Variants in GBP7 observed in about 807,000 individuals in gnomAD.
GBP7 encodes the protein guanylate binding protein 7.
In GBP7, 43 loss-of-function variants were observed where a neutral mutation model predicts 61.3. The ratio of observed to expected loss-of-function variants is 0.70; its 90% CI spans 0.55 to 0.91. The LOEUF (loss-of-function observed/expected upper bound fraction) is 0.91. Among genes scored for constraint, GBP7 ranks in the 40% least tolerant of loss-of-function variants. GBP7 has a pLI of 0.00. For synonymous variants in GBP7, 267 were observed against 271.0 expected (o/e 0.99, Z 0.14); for missense variants, 717 against 740.5 (o/e 0.97, Z 0.37).
At chr1:89,157,639 C>A (rs1682346886) in intron 3 of GBP7, among the ~76,000 whole-genome samples, 1 of 151,978 alleles carries the variant, frequency 6.6e-6, no homozygotes, top group Non-Finnish European at 1.5e-5. Flanking sequence ...TACACACCCT[C>A]CAAGACTAAA....
rs1261685721 is a variant in GBP7, at chr1:89,147,749, CAA to C, written c.1181_1182del (p.Phe394CysfsTer5). 1.2e-6 allele frequency: 2 copies of C among 1,614,154 alleles called. No individual in the cohort carries two copies. Among genetic ancestry groups the C allele is most frequent in the Non-Finnish European group, 1.7e-6 (2 of 1,180,000 alleles). On this transcript the variant is annotated frameshift_variant, in exon 8 of 11. Coordinates refer to ENST00000294671, the MANE Select transcript of GBP7 (RefSeq NM_207398.3). LOFTEE classifies it high-confidence loss of function. ...GCAGATGCCTCTTCATTCTGCAGCA[CAA>C]AGTCTTCCTTCTTTTTCTCCATGGT... ...VDTMEKKKED[F>X]VLQNEEASAK...
Position 89,152,263 on chromosome 1 carries a change from G to A in GBP7, c.625+5C>T, listed in dbSNP as rs1332242744. On this transcript the variant is annotated splice_donor_5th_base_variant and intron_variant, in intron 5 of 10. Coordinates refer to ENST00000294671, the MANE Select transcript of GBP7 (RefSeq NM_207398.3). ...CCTTCTCCCATCTAGGCCATGCTCT[G>A]ATACCTGAAATCAGCTTCAAGGCAT... The A allele has an allele frequency of 5.0e-6, 8 of 1,613,120 alleles. No homozygotes were observed. Among genetic ancestry groups the A allele is most frequent in the Non-Finnish European group, 6.8e-6 (8 of 1,179,298 alleles).
At chr1:89,161,208 C>G (rs543083305) in intron 3 of GBP7, among the ~76,000 whole-genome samples, 1 of 151,966 alleles carries the variant, frequency 6.6e-6, no homozygotes. Context: ...GATGCCATGT[C>G]TTTGCTATTG....
chr1:89,146,899 A>C (rs1431867403), intron 8 of GBP7, among the ~76,000 whole-genome samples: 1 of 152,220 alleles, frequency 6.6e-6, no homozygotes, highest in East Asian at 1.9e-4. Context: ...CAGTTTCTTC[A>C]AAAAGGAAAA....
At position 89,150,509 on chromosome 1, in the gene GBP7, T is replaced by C. The variant is rs56686060; in HGVS notation, c.692A>G (p.Gln231Arg). Residue 231 changes from glutamine (Q) to arginine (R), a missense_variant, in exon 6 of 11, where the codon CAG becomes CGG. Around this residue, in one of 3 missense-constraint regions of GBP7, gnomAD observed 387 missense variants for 385.2 expected, o/e 1.00. Coordinates refer to ENST00000294671, the MANE Select transcript of GBP7 (RefSeq NM_207398.3). ...REWIRHFFPK[Q>R]KCFVFDRPIN... ...TGGCCGGTCAAAGACAAAGCACTTC[T>C]GTTTTGGAAAGAAATGCCTGATCCA... 3.2e-3 allele frequency: 5,191 copies of C among 1,614,104 alleles called. 134 individuals carry two copies. The African/African-American group carries it at 0.057, about 18-fold the overall frequency.
intron 9 of GBP7, among the ~76,000 whole-genome samples, chr1:89,138,385 C>A (rs991857612): frequency 2.6e-5 from 4 of 151,922 alleles, no homozygotes; most frequent in African/African-American, 9.7e-5. Flanking sequence ...AGAACAAAGC[C>A]AGAGACATCA....
At chr1:89,160,162 G>A (rs756440070) in intron 3 of GBP7, among the ~76,000 whole-genome samples, 4 of 152,180 alleles carry the variant, frequency 2.6e-5, no homozygotes, top group Non-Finnish European at 4.4e-5. Context: ...ATTGAACAAT[G>A]AGATCACTTG....
intron 9 of GBP7, among the ~76,000 whole-genome samples, chr1:89,136,948 A>G (rs1483575210): frequency 6.6e-6 from 1 of 152,090 alleles, no homozygotes; most frequent in East Asian, 1.9e-4. Flanking sequence ...CCAAATAAAC[A>G]CAATAAAAAA....
At position 89,152,177 on chromosome 1, in the gene GBP7, A is replaced by G. The variant is rs937017959; in HGVS notation, c.625+91T>C. 26 of 1,086,778 alleles carry G rather than the reference A, an allele frequency of 2.4e-5. No homozygotes were observed. In the African/African-American group the frequency reaches 3.3e-4, roughly 14 times the overall value. The allele number at this position is 1,086,778 out of a possible 1,614,324, so 67.3% of individuals were successfully genotyped here. ...TGAGCAAGGGCCTCAATCCAGTCCA[A>G]TATAAAAATTTGTGTCAGGTGTTGA... On this transcript the variant is annotated intron_variant, in intron 5 of 10. Coordinates refer to ENST00000294671, the MANE Select transcript of GBP7 (RefSeq NM_207398.3).
At chr1:89,139,756 C>T (rs909709129) in intron 9 of GBP7, among the ~76,000 whole-genome samples, 2 of 152,194 alleles carry the variant, frequency 1.3e-5, no homozygotes, top group Non-Finnish European at 2.9e-5. Flanking sequence ...CATCTCACAC[C>T]AGTTAGAATG....
At chr1:89,162,131 AT>A (rs1647292832) in intron 3 of GBP7, among the ~76,000 whole-genome samples, 1 of 148,216 alleles carries the variant, frequency 6.7e-6, no homozygotes, top group African/African-American at 2.5e-5. Flanking sequence ...CCATTGGTCT[AT>A]GTGTCTGTTT....
At chr1:89,154,451 A>G (rs1304207284) in intron 3 of GBP7, among the ~76,000 whole-genome samples, 4 of 152,076 alleles carry the variant, frequency 2.6e-5, no homozygotes, top group Non-Finnish European at 4.4e-5. Context: ...GGTTCAAGCA[A>G]TTCTTCCACC....
intron 8 of GBP7, among the ~76,000 whole-genome samples, chr1:89,147,327 TAAAAG>T (rs1320096205): frequency 6.6e-6 from 1 of 152,204 alleles, no homozygotes; most frequent in South Asian, 2.1e-4. Flanking sequence ...ATTTGATAAA[TAAAAG>T]AAATGGTTTG....
At chr1:89,138,630 C>T (rs374040963) in intron 9 of GBP7, among the ~76,000 whole-genome samples, 31 of 152,042 alleles carry the variant, frequency 2.0e-4, no homozygotes, top group African/African-American at 7.2e-4. Context: ...TAGCTATATG[C>T]AGAAGATTGA....
chr1:89,173,655 T>A (rs549310039), intron 1 of GBP7, among the ~76,000 whole-genome samples: 1 of 152,332 alleles, frequency 6.6e-6, no homozygotes, highest in South Asian at 2.1e-4. Context: ...CTTCTCCACC[T>A]TCTTCAGTAT....
rs746543380 is a variant in GBP7 at position 89,132,298 on chromosome 1, GCT to G, written c.1766_1767del (p.Glu589AlafsTer9). On this transcript the variant is annotated frameshift_variant, in exon 11 of 11. Transcript: ENST00000294671. LOFTEE classifies it low-confidence loss of function (END_TRUNC). ...TCAAGAATCTGTGAAAACACTGAGG[GCT>G]CTTCATTTTCAGCTGCTTCAATTTG... ...KEQIEAAENEEPSVFSQILDV... is the reference protein window; with the variant it reads ...KEQIEAAENEXPSVFSQILDV... The G allele has an allele frequency of 6.2e-7, 1 of 1,613,838 alleles. No homozygotes were observed.
intron 3 of GBP7, 58 bp downstream of exon 3, chr1:89,164,673 A>G (rs920748241): frequency 9.0e-6 from 14 of 1,560,454 alleles, no homozygotes; most frequent in Admixed American, 6.8e-5. Context: ...GATACTATGC[A>G]TAAAAACATA....
At chr1:89,159,045 G>A (rs1469859498) in intron 3 of GBP7, among the ~76,000 whole-genome samples, 10 of 152,056 alleles carry the variant, frequency 6.6e-5, no homozygotes, top group East Asian at 5.8e-4. Flanking sequence ...CAGAGCCCTC[G>A]GAAATAATAC....
intron 10 of GBP7, 31 bp from the exon 11 acceptor site, chr1:89,132,434 A>T (rs1681703078): frequency 6.5e-7 from 1 of 1,537,236 alleles, no homozygotes; most frequent in Non-Finnish European, 8.7e-7. Context: ...ACTTTTGAAA[A>T]TCCCCAATTT....
Sources: allele counts gnomAD v4.1 joint callset (sites outside exome capture counted in the v4.1 genomes callset), GRCh38; gene constraint gnomAD v4.1.1; regional missense constraint gnomAD v4.1.1; transcripts MANE v1.5; gene names NCBI Gene and HGNC (gene_info 2026-07-23, HGNC 2026-07-21).